The following JADE3 variants were observed in gnomAD, a reference collection of about 807,000 sequenced individuals.
JADE3 encodes the protein jade family PHD finger 3.
In JADE3, 2 loss-of-function variants were observed where a neutral mutation model predicts 50.1. That is an observed-to-expected ratio of 0.04 (90% confidence interval 0.02 to 0.13). The LOEUF (loss-of-function observed/expected upper bound fraction) is 0.13. Ranked by LOEUF, JADE3 falls within the 10% of genes least tolerant of loss-of-function variation. The probability of loss-of-function intolerance (pLI) is 1.00; values close to 1 mark genes in which losing one functional copy is unlikely to be tolerated. For missense variants in JADE3, 475 were observed against 634.4 expected (o/e 0.75, Z 2.70); for synonymous variants, 218 against 232.9 (o/e 0.94, Z 0.58).
chrX:46,960,125 A>G (rs1556347367), intron 1 of JADE3, among the ~76,000 whole-genome samples: 2 of 110,299 alleles, frequency 1.8e-5, no homozygotes, highest in Middle Eastern at 4.7e-3. Context: ...GTGTTCCTCT[A>G]TTCCTGTTCC....
chrX:47,054,873 T>C (rs1473292825), intron 9 of JADE3, among the ~76,000 whole-genome samples: 2 of 112,130 alleles, frequency 1.8e-5, no homozygotes, highest in African/African-American at 6.5e-5. Flanking sequence ...AACTCTCATT[T>C]GGTTTACTTT....
chrX:46,991,509 T>C (rs782074004), intron 3 of JADE3, among the ~76,000 whole-genome samples: 32 of 111,758 alleles, frequency 2.9e-4, no homozygotes, highest in Non-Finnish European at 5.1e-4. Context: ...GTAATTCTGC[T>C]ATGAACATTC....
intron 1 of JADE3, among the ~76,000 whole-genome samples, chrX:46,973,428 C>G (rs1158349554): frequency 2.7e-5 from 3 of 112,081 alleles, no homozygotes; most frequent in Non-Finnish European, 5.6e-5. Context: ...GTTCATTATC[C>G]CAACTTCTGC....
intron 1 of JADE3, among the ~76,000 whole-genome samples, chrX:46,966,181 G>A (rs782655154): frequency 9.5e-4 from 106 of 112,034 alleles, no homozygotes; most frequent in Non-Finnish European, 1.8e-3. Flanking sequence ...ATTTTGTGAT[G>A]GCATAGAGGA....
At chrX:47,043,927 G>T (rs1280890266) in intron 8 of JADE3, among the ~76,000 whole-genome samples, 1 of 110,779 alleles carries the variant, frequency 9.0e-6, no homozygotes, top group East Asian at 2.8e-4. Flanking sequence ...CTTAACAGCA[G>T]ACTTAAGCAG....
chrX:46,933,402 A>T (rs1926537715), intron 1 of JADE3, among the ~76,000 whole-genome samples: 1 of 112,591 alleles, frequency 8.9e-6, no homozygotes, highest in Non-Finnish European at 1.9e-5. Context: ...GTATAAGACC[A>T]CTGAATATTA....
At chrX:47,004,074 C>G (rs1212519933) in intron 4 of JADE3, among the ~76,000 whole-genome samples, 1 of 107,840 alleles carries the variant, frequency 9.3e-6, no homozygotes, top group Non-Finnish European at 1.9e-5. Context: ...TACAAGTGTT[C>G]ATCGCCACGC....
chrX:46,950,014 C>CA (rs1926969352), intron 1 of JADE3, among the ~76,000 whole-genome samples: 1 of 111,665 alleles, frequency 9.0e-6, no homozygotes, highest in South Asian at 3.7e-4. Flanking sequence ...ATAAAAGAAA[C>CA]AAACTATTCA....
intron 4 of JADE3, among the ~76,000 whole-genome samples, chrX:47,014,349 C>G (rs1398945098): frequency 8.9e-6 from 1 of 111,990 alleles, no homozygotes; most frequent in African/African-American, 3.2e-5. Flanking sequence ...TTTTTCCTTG[C>G]AAATTGATGA....
chrX:46,971,179 G>A (rs1299787444), intron 1 of JADE3, among the ~76,000 whole-genome samples: 8 of 94,446 alleles, frequency 8.5e-5, no homozygotes, highest in African/African-American at 3.2e-4. Context: ...GCAATGGCGC[G>A]ATCTCGGCTC....
intron 4 of JADE3, among the ~76,000 whole-genome samples, chrX:47,015,810 C>A (rs1455453486): frequency 9.7e-6 from 1 of 102,587 alleles, no homozygotes; most frequent in African/African-American, 3.6e-5. Flanking sequence ...GCCTCGATCT[C>A]CCAGGCTCAA....
chrX:47,001,034 A>G (rs1458095265), intron 4 of JADE3, among the ~76,000 whole-genome samples: 1 of 111,733 alleles, frequency 8.9e-6, no homozygotes, highest in Non-Finnish European at 1.9e-5. Flanking sequence ...TTCTTTGCCT[A>G]TCATACGAAA....
chrX:46,939,937 T>C (rs189193694), intron 1 of JADE3, among the ~76,000 whole-genome samples: 195 of 112,462 alleles, frequency 1.7e-3, no homozygotes, highest in African/African-American at 5.8e-3. Flanking sequence ...TCAGTGTCCA[T>C]AAGTCAAATT....
intron 5 of JADE3, among the ~76,000 whole-genome samples, chrX:47,027,214 A>C (rs1452512111): frequency 8.9e-6 from 1 of 112,530 alleles, no homozygotes; most frequent in African/African-American, 3.2e-5. Flanking sequence ...ATAGCTGAGA[A>C]AAGGAATCAG....
chrX:46,915,790 C>G (rs1444783246), intron 1 of JADE3, among the ~76,000 whole-genome samples: 1 of 109,729 alleles, frequency 9.1e-6, no homozygotes, highest in Non-Finnish European at 1.9e-5. Flanking sequence ...GAAAAACTTG[C>G]CCGATTTCAT....
intron 1 of JADE3, among the ~76,000 whole-genome samples, chrX:46,963,064 C>T (rs967475219): frequency 3.1e-4 from 35 of 111,389 alleles, no homozygotes; most frequent in Non-Finnish European, 5.7e-5. Context: ...GTCTCGAACT[C>T]CTGACCTTGT....
intron 4 of JADE3, among the ~76,000 whole-genome samples, chrX:47,008,329 A>G (rs782521513): frequency 8.9e-6 from 1 of 112,189 alleles, no homozygotes; most frequent in Non-Finnish European, 1.9e-5. Context: ...CATTGAAGGT[A>G]CAAAGAACAA....
At chrX:46,965,761 G>A (rs781969682) in intron 1 of JADE3, among the ~76,000 whole-genome samples, 1 of 112,036 alleles carries the variant, frequency 8.9e-6, no homozygotes, top group South Asian at 3.7e-4. Context: ...CATAAAACTG[G>A]GGCAGAATGT....
intron 3 of JADE3, among the ~76,000 whole-genome samples, chrX:46,997,544 A>G (rs1159381896): frequency 9.0e-6 from 1 of 111,552 alleles, no homozygotes; most frequent in African/African-American, 3.3e-5. Flanking sequence ...ATTCTGGAAC[A>G]GAAAGACATT....
Sources: allele counts gnomAD v4.1 joint callset (sites outside exome capture counted in the v4.1 genomes callset), GRCh38; gene constraint gnomAD v4.1.1; transcripts MANE v1.5; gene names NCBI Gene and HGNC (gene_info 2026-07-23, HGNC 2026-07-21).